Variants in DAAM1 observed in about 807,000 individuals in gnomAD.
DAAM1 encodes the protein disheveled-associated activator of morphogenesis 1.
A neutral mutation model predicts 130.0 loss-of-function variants in DAAM1; 52 were observed. The observed-to-expected ratio is 0.40, with a 90% confidence interval of 0.32 to 0.50. DAAM1 has a LOEUF of 0.50. Ranked by LOEUF, DAAM1 falls within the 20% of genes least tolerant of loss-of-function variation. The pLI is 0.61. For synonymous variants in DAAM1, 452 were observed against 444.5 expected, an observed-to-expected ratio of 1.02 and a Z score of -0.21; for missense variants, 1,134 against 1,303.8, an observed-to-expected ratio of 0.87 and a Z score of 2.01.
At chr14:59,333,678 G>A (rs1431892122) in intron 15 of DAAM1, among the ~76,000 whole-genome samples, 2 of 152,186 alleles carry the variant, frequency 1.3e-5, no homozygotes, top group East Asian at 1.9e-4. Flanking sequence ...ATTTGAGAAC[G>A]TAGAGAAGTA....
intron 3 of DAAM1, among the ~76,000 whole-genome samples, chr14:59,293,463 A>T (rs1156519935): frequency 6.6e-6 from 1 of 152,136 alleles, no homozygotes; most frequent in Non-Finnish European, 1.5e-5. Context: ...ATGGATATGG[A>T]TGTGGTCACT....
intron 1 of DAAM1, among the ~76,000 whole-genome samples, chr14:59,260,342 CTT>C (rs939772583): frequency 5.3e-5 from 8 of 152,158 alleles, no homozygotes; most frequent in African/African-American, 1.9e-4. Context: ...GCAGAAGAGT[CTT>C]TTTGTTTGTT....
intron 17 of DAAM1, among the ~76,000 whole-genome samples, chr14:59,350,293 TCTC>T (rs1295916149): frequency 6.6e-6 from 1 of 151,936 alleles, no homozygotes; most frequent in Non-Finnish European, 1.5e-5. Flanking sequence ...ACTGCCCCCT[TCTC>T]TATATCTGCA....
chr14:59,295,497 A>C (rs904618587), intron 3 of DAAM1, among the ~76,000 whole-genome samples: 2 of 152,312 alleles, frequency 1.3e-5, no homozygotes, highest in Admixed American at 1.3e-4. Flanking sequence ...TCTTCCCCAC[A>C]AAAAGAAATT....
chr14:59,307,479 A>G (rs1207366100), intron 3 of DAAM1, among the ~76,000 whole-genome samples: 1 of 152,240 alleles, frequency 6.6e-6, no homozygotes, highest in East Asian at 1.9e-4. Context: ...CTTTACCAAT[A>G]CAGAATTTTA....
chr14:59,207,914 T>C (rs966288796), intron 1 of DAAM1, among the ~76,000 whole-genome samples: 1 of 152,220 alleles, frequency 6.6e-6, no homozygotes, highest in African/African-American at 2.4e-5. Flanking sequence ...ATGGGGAATT[T>C]TCAAGGCCAT....
chr14:59,321,255 A>G (rs953448911), intron 5 of DAAM1, among the ~76,000 whole-genome samples: 1 of 152,222 alleles, frequency 6.6e-6, no homozygotes, highest in African/African-American at 2.4e-5. Context: ...AATTCCCAGA[A>G]TAGGCCAATC....
In DAAM1 at chr14:59,368,846, A is replaced by G. The variant is rs577645330; in HGVS notation, c.3194A>G (p.Lys1065Arg). The G allele has an allele frequency of 6.2e-7, 1 of 1,613,152 alleles. No homozygotes were observed. The highest frequency in any genetic ancestry group is 1.3e-5 in the African/African-American group (1 of 74,920). The change falls in exon 25 of 25, where the codon AAA becomes AGA. Residue 1065 changes from lysine to arginine, a missense_variant. Lys to Arg is a conservative substitution (Grantham distance 26). Around this residue, in one of 3 missense-constraint regions of DAAM1, gnomAD observed 644 missense variants for 695.9 expected, o/e 0.93. Transcript: ENST00000360909. Reference protein sequence around the residue: ...TDSSRERPITKLNF With the variant: ...TDSSRERPITRLNF ...AGCAGCAGAGAGAGACCAATCACAA[A>G]ACTTAATTTCTAATTTTCCATGAAT... is the stretch of plus-strand genomic sequence containing the variant.
intron 12 of DAAM1, among the ~76,000 whole-genome samples, chr14:59,328,484 A>G (rs1304937232): frequency 6.6e-6 from 1 of 152,216 alleles, no homozygotes; most frequent in Non-Finnish European, 1.5e-5. Flanking sequence ...TCATTCATTC[A>G]TTCGTTCATT....
intron 3 of DAAM1, among the ~76,000 whole-genome samples, chr14:59,312,444 A>C (rs1594815294): frequency 6.6e-6 from 1 of 152,254 alleles, no homozygotes; most frequent in African/African-American, 2.4e-5. Flanking sequence ...AGAGTCACAT[A>C]GCTAGTGAGA....
At chr14:59,347,675 G>A in intron 17 of DAAM1, 52 bp downstream of exon 17, 1 of 1,549,052 alleles carries the variant, frequency 6.5e-7, no homozygotes, top group Non-Finnish European at 8.9e-7. Context: ...CCATCAACAG[G>A]GAGAGGGATG....
Position 59,318,674 on chromosome 14 carries a change from G to A in DAAM1, c.346-1816G>A, listed in dbSNP as rs376904359. 1.6e-4 allele frequency among the ~76,000 whole-genome samples: 24 copies of A among 152,134 alleles called. 1 individual carries two copies. The highest frequency in any genetic ancestry group is 7.9e-4 in the Admixed American group (12 of 15,270). The stretch of plus-strand genomic sequence containing the variant: ...TACATATCCTCAGTTATCTCAGCAC[G>A]ATAAATATAATCTCAGAACCAAATC... On this transcript the variant is annotated intron_variant, in intron 4 of 24. Transcript: ENST00000360909.
intron 3 of DAAM1, among the ~76,000 whole-genome samples, chr14:59,300,387 G>A (rs1483695719): frequency 1.3e-5 from 2 of 152,114 alleles, no homozygotes; most frequent in African/African-American, 4.8e-5. Flanking sequence ...TAACGTTTCA[G>A]CACATTTGCA....
At chr14:59,259,720 C>T (rs142850980) in intron 1 of DAAM1, among the ~76,000 whole-genome samples, 15 of 152,302 alleles carry the variant, frequency 9.8e-5, no homozygotes, top group East Asian at 1.9e-4. Flanking sequence ...TGTACATCAG[C>T]GCTGCTGCTG....
chr14:59,325,904 C>A lies in DAAM1; in HGVS notation c.1057-56C>A. The A allele has an allele frequency of 3.8e-6, 6 of 1,563,702 alleles. No individual in the cohort carries two copies. The South Asian group carries it at 5.6e-5, about 15-fold the overall frequency. ...CTGTTTGCTTTGAGTTTACTTTACACTGGGGAAACTGAGGAACTTAGATGT... is the reference window on the plus strand; with the variant it reads ...CTGTTTGCTTTGAGTTTACTTTACAATGGGGAAACTGAGGAACTTAGATGT... On this transcript the variant is annotated intron_variant, in intron 9 of 24. Transcript: ENST00000360909.
At chr14:59,359,591 C>T in intron 21 of DAAM1, 87 bp downstream of exon 21, 1 of 934,690 alleles carries the variant, frequency 1.1e-6, no homozygotes, top group Non-Finnish European at 1.7e-6. Context: ...TGAAGTCAGT[C>T]CTTCTATTTG....
At chr14:59,334,420 A>G (rs947334340) in intron 15 of DAAM1, among the ~76,000 whole-genome samples, 4 of 151,950 alleles carry the variant, frequency 2.6e-5, no homozygotes, top group African/African-American at 9.7e-5. Context: ...CTCGGGATCT[A>G]TTTTTTTCCA....
At chr14:59,196,481 C>T (rs898666981) in intron 1 of DAAM1, among the ~76,000 whole-genome samples, 3 of 152,194 alleles carry the variant, frequency 2.0e-5, no homozygotes, top group South Asian at 2.1e-4. Flanking sequence ...CGGTGGCTCA[C>T]GCCTGTAATC....
At chr14:59,236,421 C>T (rs958402505) in intron 1 of DAAM1, among the ~76,000 whole-genome samples, 2 of 152,114 alleles carry the variant, frequency 1.3e-5, no homozygotes, top group Admixed American at 6.6e-5. Flanking sequence ...CAAGTACATT[C>T]GCCGCCTTTT....
Sources: gnomAD v4.1 joint callset for allele counts (sites outside exome capture counted in the v4.1 genomes callset) on GRCh38, gnomAD v4.1.1 for gene constraint, gnomAD v4.1.1 regional missense constraint, MANE v1.5 for transcripts, NCBI Gene and HGNC (gene_info 2026-07-23, HGNC 2026-07-21) for gene names.